NSD1: variants seen among roughly 807,000 people sequenced by gnomAD.
The protein encoded by NSD1 is histone-lysine N-methyltransferase, H3 lysine-36 specific.
In NSD1, 26 loss-of-function variants were observed where a neutral mutation model predicts 242.7. The observed-to-expected ratio is 0.11, with a 90% CI of 0.08 to 0.15. The LOEUF is 0.15. Among genes scored for constraint, NSD1 ranks in the 10% least tolerant of loss-of-function variants. The pLI, the probability that NSD1 is intolerant of heterozygous loss-of-function variation, is 1.00. For synonymous variants in NSD1, 1,106 were observed against 1,178.1 expected (o/e 0.94, Z 1.25); for missense variants, 2,495 against 3,272.8 (o/e 0.76, Z 5.80).
intron 2 of NSD1, among the ~76,000 whole-genome samples, chr5:177,182,477 A>T (rs1207308863): frequency 6.6e-6 from 1 of 152,124 alleles, no homozygotes; most frequent in Non-Finnish European, 1.5e-5. Context: ...CCCAGGCTCA[A>T]GTACAGTGAT....
chr5:177,265,812 G>T, intron 14 of NSD1: 1 of 1,387,976 alleles, frequency 7.2e-7, no homozygotes, highest in Non-Finnish European at 1.0e-6. Context: ...TTGTGGCAGT[G>T]CGTAAACTCG....
At chr5:177,266,983 G>A (rs556811833) in intron 14 of NSD1, among the ~76,000 whole-genome samples, 3 of 152,300 alleles carry the variant, frequency 2.0e-5, no homozygotes, top group East Asian at 1.9e-4. Flanking sequence ...TCCTGTCTTA[G>A]CCTCCCGAGT....
intron 2 of NSD1, among the ~76,000 whole-genome samples, chr5:177,147,032 C>G (rs1250810436): frequency 6.7e-6 from 1 of 149,360 alleles, no homozygotes; most frequent in Non-Finnish European, 1.5e-5. Context: ...AGTTGCTAAA[C>G]ATTTCTAATA....
At chr5:177,175,061 C>T (rs947854919) in intron 2 of NSD1, among the ~76,000 whole-genome samples, 1 of 151,378 alleles carries the variant, frequency 6.6e-6, no homozygotes, top group Non-Finnish European at 1.5e-5. Flanking sequence ...TTAGTAGAGA[C>T]GGGGTTTCAC....
In NSD1 at chr5:177,293,782, G is replaced by A. The variant is rs779993480; in HGVS notation, c.6464-50G>A. On this transcript the variant is annotated intron_variant, in intron 22 of 22. Coordinates refer to ENST00000439151, the MANE Select transcript of NSD1 (RefSeq NM_022455.5). The stretch of plus-strand genomic sequence containing the variant: ...ACTGTAGCATAGCCTTGGCCCATGT[G>A]ATATGTATCTCTTTTTTCCTAAACT... The A allele has an allele frequency of 4.4e-6, 7 of 1,600,414 alleles. No homozygotes were observed. In the African/African-American group the frequency reaches 9.4e-5, roughly 21 times the overall value.
rs1321868015 is a variant in NSD1 at position 177,296,877 on chromosome 5, C to T, written c.*1418C>T. 3 of 233,278 alleles carry T rather than the reference C, an allele frequency of 1.3e-5. No homozygotes were observed. The East Asian group carries it at 1.8e-4, about 14-fold the overall frequency. 14.5% of individuals were successfully genotyped at this position (233,278 alleles called of 1,614,324 possible). On this transcript the variant is annotated 3_prime_UTR_variant, in exon 23 of 23. Coordinates refer to ENST00000439151, the MANE Select transcript of NSD1 (RefSeq NM_022455.5). Reference sequence around the variant, plus strand: ...GTCTACCCCTCCTTTGTCCTTAGACCAACATGTTTACCTCTCTGCTTTGCC... The same window carrying T: ...GTCTACCCCTCCTTTGTCCTTAGACTAACATGTTTACCTCTCTGCTTTGCC...
At chr5:177,140,200 A>G (rs182345312) in intron 2 of NSD1, among the ~76,000 whole-genome samples, 1 of 152,268 alleles carries the variant, frequency 6.6e-6, no homozygotes, top group East Asian at 1.9e-4. Flanking sequence ...TTTATATTTA[A>G]TTGGGCTGAT....
At chr5:177,186,849 C>T (rs1761274693) in intron 2 of NSD1, among the ~76,000 whole-genome samples, 1 of 152,012 alleles carries the variant, frequency 6.6e-6, no homozygotes, top group Non-Finnish European at 1.5e-5. Flanking sequence ...TGCCTTTAGT[C>T]CCAGCTATTC....
At chr5:177,168,712 T>C (rs1024136250) in intron 2 of NSD1, among the ~76,000 whole-genome samples, 1 of 152,154 alleles carries the variant, frequency 6.6e-6, no homozygotes, top group Non-Finnish European at 1.5e-5. Flanking sequence ...CCACCTGCCT[T>C]GGCCTCCCAA....
chr5:177,294,606 CT>C lies in NSD1; in HGVS notation c.7241del (p.Leu2414CysfsTer20). 1 of 1,614,236 alleles carries C rather than the reference CT, an allele frequency of 6.2e-7. No individual in the cohort carries two copies. The highest frequency in any genetic ancestry group is 8.5e-7 in the Non-Finnish European group (1 of 1,180,040). On this transcript the variant is annotated frameshift_variant, in exon 23 of 23. Transcript: ENST00000439151. LOFTEE classifies it high-confidence loss of function. ...AGGCCTACTGACAAACCCCATGCCT[CT>C]TTGTCCCAGAGACTCCCACCTCCTG... is the stretch of plus-strand genomic sequence containing the variant. The part of the protein sequence containing the change: ...SDRPTDKPHA[S>X]LSQRLPPPEK...
chr5:177,252,539 CTTTTTT>C (rs70991600), intron 12 of NSD1, among the ~76,000 whole-genome samples: 7 of 47,428 alleles, frequency 1.5e-4, no homozygotes, highest in East Asian at 7.4e-4. Flanking sequence ...GTAAAGTGTT[CTTTTTT>C]TTTTTTTTTT....
At chr5:177,149,299 A>G (rs1278011147) in intron 2 of NSD1, among the ~76,000 whole-genome samples, 2 of 151,402 alleles carry the variant, frequency 1.3e-5, no homozygotes, top group East Asian at 1.9e-4. Context: ...GTTCACTGCA[A>G]CCTCCACCTG....
chr5:177,287,254 T>C (rs1229306433), intron 20 of NSD1, among the ~76,000 whole-genome samples: 1 of 152,278 alleles, frequency 6.6e-6, no homozygotes, highest in Non-Finnish European at 1.5e-5. Context: ...AGTATCCTGC[T>C]TTCTTTTATT....
chr5:177,164,649 T>G (rs13154194), intron 2 of NSD1, among the ~76,000 whole-genome samples: 1 of 152,150 alleles, frequency 6.6e-6, no homozygotes, highest in Admixed American at 6.6e-5. Flanking sequence ...TTTTAAAAAT[T>G]GAGGTAAAAC....
At chr5:177,143,504 A>G (rs191780442) in intron 2 of NSD1, among the ~76,000 whole-genome samples, 3 of 151,876 alleles carry the variant, frequency 2.0e-5, no homozygotes, top group Non-Finnish European at 2.9e-5. Context: ...GTATTTTTAG[A>G]AGAGATGGGG....
rs1757597391 is a variant in NSD1, at chr5:177,267,572, T to C, written c.5157T>C (p.Leu1719=). 6.2e-7 allele frequency: 1 copy of C among 1,613,986 alleles called. No individual in the cohort carries two copies. The highest frequency in any genetic ancestry group is 1.1e-5 in the South Asian group (1 of 91,086). Residue 1719 remains leucine (L), a synonymous_variant, in exon 15 of 23, where the codon CTT becomes CTC. Coordinates refer to ENST00000439151, the MANE Select transcript of NSD1 (RefSeq NM_022455.5). ...WCFVCSEGGS[L]LCCDSCPAAF... ...TTTTTATTCCCACAGGAGGCAGCCT[T>C]CTGTGCTGTGATTCTTGCCCTGCTG...
upstream of NSD1, among the ~76,000 whole-genome samples, chr5:177,132,801 G>C (rs534569384): frequency 3.3e-5 from 5 of 152,032 alleles, no homozygotes; most frequent in Admixed American, 2.6e-4. This position sits in a 1 kb window ranked among gnomAD's most constrained non-coding sequence, Gnocchi z 7.5. Context: ...GGGAGGGAGA[G>C]GGATGGGGGG....
At chr5:177,184,151 C>T (rs904416706) in intron 2 of NSD1, among the ~76,000 whole-genome samples, 33 of 152,136 alleles carry the variant, frequency 2.2e-4, no homozygotes, top group African/African-American at 7.5e-4. Context: ...TATAGCTAGT[C>T]GTGGGATTGC....
intron 3 of NSD1, among the ~76,000 whole-genome samples, chr5:177,202,274 T>C (rs1273665974): frequency 6.6e-6 from 1 of 152,180 alleles, no homozygotes; most frequent in Non-Finnish European, 1.5e-5. Flanking sequence ...TTGTCATGCC[T>C]TTTGTACTGT....
Sources: gnomAD v4.1 joint callset for allele counts (sites outside exome capture counted in the v4.1 genomes callset) on GRCh38, gnomAD v4.1.1 for gene constraint, Gnocchi (gnomAD v3.1) non-coding constraint, MANE v1.5 for transcripts, NCBI Gene and HGNC (gene_info 2026-07-23, HGNC 2026-07-21) for gene names.